Variants in ANO3 observed in about 807,000 individuals in gnomAD.
The protein encoded by ANO3 is anoctamin-3.
Under a neutral mutation model 144.8 loss-of-function variants are expected in ANO3, and 99 were observed. The observed-to-expected ratio is 0.68, with a 90% CI of 0.58 to 0.81. The LOEUF is 0.81. ANO3 is among the 30% of genes least tolerant of loss of function. ANO3 has a pLI of 0.00. For missense variants in ANO3, 905 were observed against 1,202.2 expected, an observed-to-expected ratio of 0.75 and a Z score of 3.66; for synonymous variants, 414 against 392.6, an observed-to-expected ratio of 1.05 and a Z score of -0.64.
intron 1 of ANO3, among the ~76,000 whole-genome samples, chr11:26,236,547 C>A (rs1181500041): frequency 1.3e-5 from 2 of 152,032 alleles, no homozygotes; most frequent in African/African-American, 2.4e-5. Flanking sequence ...GGCCGGGGGC[C>A]GCGGCTCATG....
intron 17 of ANO3, among the ~76,000 whole-genome samples, chr11:26,602,590 T>TTC (rs1262045496): frequency 6.9e-6 from 1 of 145,586 alleles, no homozygotes; most frequent in Non-Finnish European, 1.5e-5. Flanking sequence ...TTTCTTTTCT[T>TTC]TTTTTTTTTT....
At chr11:26,592,172 T>G (rs530753509) in intron 14 of ANO3, among the ~76,000 whole-genome samples, 1 of 152,294 alleles carries the variant, frequency 6.6e-6, no homozygotes, top group South Asian at 2.1e-4. Context: ...CAGCATCTTG[T>G]ATGGACTAAG....
chr11:26,598,745 G>T, intron 15 of ANO3, 113 bp from the exon 16 acceptor site: 3 of 1,020,018 alleles, frequency 2.9e-6, no homozygotes, highest in Non-Finnish European at 4.2e-6. Context: ...TTGCTTTATT[G>T]TGAAGACTTA....
In ANO3 at chr11:26,534,514, T is replaced by C. The variant is rs1301187468; in HGVS notation, c.928T>C (p.Tyr310His). 1 of 1,613,102 alleles carries C rather than the reference T, an allele frequency of 6.2e-7. No individual in the cohort carries two copies. Among genetic ancestry groups the C allele is most frequent in the African/African-American group, 1.3e-5 (1 of 74,916 alleles). Residue 310 changes from tyrosine (Y) to histidine (H), a missense_variant, in exon 9 of 27, where the codon TAT becomes CAT. This residue lies in a region of ANO3 where 597 missense variants were observed against 865.1 expected (regional missense o/e 0.69). Coordinates refer to ENST00000256737, the MANE Select transcript of ANO3 (RefSeq NM_031418.4). ...CAATGCTACTCGAAGCAGAATAGTC[T>C]ATCACATGCTGGAACGCACCAAATA... The part of the protein sequence containing the change: ...FSNATRSRIV[Y>H]HMLERTKYEN...
intron 4 of ANO3, among the ~76,000 whole-genome samples, chr11:26,469,551 C>G (rs1485256311): frequency 6.6e-6 from 1 of 151,630 alleles, no homozygotes; most frequent in African/African-American, 2.4e-5. Flanking sequence ...GAAAACAAAG[C>G]AAAACAAAAA....
At chr11:26,615,414 A>ATATATATATATATTTTT (rs1352935016) in intron 17 of ANO3, among the ~76,000 whole-genome samples, 42 of 130,662 alleles carry the variant, frequency 3.2e-4, no homozygotes, top group African/African-American at 1.0e-3. Flanking sequence ...ATATATATAT[A>ATATATATATATATTTTT]TTTTTTTTTT....
intron 7 of ANO3, among the ~76,000 whole-genome samples, chr11:26,530,675 A>G (rs1301417770): frequency 1.3e-5 from 2 of 151,964 alleles, no homozygotes. Context: ...CCTGGCCAAC[A>G]TGGTGAAGCC....
At chr11:26,589,515 C>T (rs1419230633) in intron 14 of ANO3, among the ~76,000 whole-genome samples, 2 of 151,680 alleles carry the variant, frequency 1.3e-5, no homozygotes, top group African/African-American at 4.9e-5. Flanking sequence ...CACAGAGCCG[C>T]ACAACCCTCA....
At chr11:26,196,307 T>C (rs558463045) in intron 1 of ANO3, among the ~76,000 whole-genome samples, 2 of 152,288 alleles carry the variant, frequency 1.3e-5, no homozygotes, top group East Asian at 3.9e-4. Context: ...AAATAAATTA[T>C]CTTTTTCTTC....
At chr11:26,190,792 G>A (rs1190941364) in intron 1 of ANO3, among the ~76,000 whole-genome samples, 1 of 152,132 alleles carries the variant, frequency 6.6e-6, no homozygotes, top group Non-Finnish European at 1.5e-5. Flanking sequence ...ACTATGAACA[G>A]CCTAGAAGAC....
intron 1 of ANO3, among the ~76,000 whole-genome samples, chr11:26,233,938 G>A (rs1281960060): frequency 2.6e-5 from 4 of 152,064 alleles, no homozygotes; most frequent in Admixed American, 1.3e-4. Context: ...GCAAGGGCCT[G>A]TCAGTAGGTA....
intron 1 of ANO3, among the ~76,000 whole-genome samples, chr11:26,342,148 A>G (rs1012999838): frequency 6.6e-6 from 1 of 152,218 alleles, no homozygotes; most frequent in African/African-American, 2.4e-5. Flanking sequence ...TCAGGGTGAC[A>G]CAACCGGGAG....
At chr11:26,247,874 T>C (rs1005228060) in intron 1 of ANO3, among the ~76,000 whole-genome samples, 1 of 151,552 alleles carries the variant, frequency 6.6e-6, no homozygotes, top group African/African-American at 2.4e-5. Context: ...AGATTACAGG[T>C]GCCTGCCACC....
intron 18 of ANO3, among the ~76,000 whole-genome samples, chr11:26,632,410 G>A (rs538537787): frequency 6.6e-6 from 1 of 151,248 alleles, no homozygotes; most frequent in Non-Finnish European, 1.5e-5. Context: ...CAGCTACTCA[G>A]GAGGCTGAGG....
At chr11:26,646,403 G>A (rs1275305166) in intron 23 of ANO3, among the ~76,000 whole-genome samples, 3 of 151,948 alleles carry the variant, frequency 2.0e-5, no homozygotes, top group Non-Finnish European at 4.4e-5. Flanking sequence ...TAGTGTATCT[G>A]TAGTATAGAT....
intron 14 of ANO3, among the ~76,000 whole-genome samples, chr11:26,590,615 G>A (rs369198519): frequency 6.6e-6 from 1 of 152,192 alleles, no homozygotes; most frequent in East Asian, 1.9e-4. Flanking sequence ...ATTAGAAGCC[G>A]TGGGTCATGG....
At chr11:26,370,068 G>A (rs1023635699) in intron 1 of ANO3, among the ~76,000 whole-genome samples, 1 of 152,106 alleles carries the variant, frequency 6.6e-6, no homozygotes, top group Non-Finnish European at 1.5e-5. Flanking sequence ...AAAACCTTAA[G>A]AATCAATTGA....
At chr11:26,382,719 C>T (rs1214359976) in intron 1 of ANO3, among the ~76,000 whole-genome samples, 1 of 152,018 alleles carries the variant, frequency 6.6e-6, no homozygotes, top group Non-Finnish European at 1.5e-5. Context: ...GTTTCTTCCT[C>T]CTTTAGGATG....
intron 15 of ANO3, among the ~76,000 whole-genome samples, 164 bp from the exon 16 acceptor site, chr11:26,598,694 G>A (rs1851708987): frequency 6.6e-6 from 1 of 152,110 alleles, no homozygotes; most frequent in Non-Finnish European, 1.5e-5. Context: ...AATACTGCTC[G>A]GGATTTATTT....
Sources: allele counts gnomAD v4.1 joint callset (sites outside exome capture counted in the v4.1 genomes callset), GRCh38; gene constraint gnomAD v4.1.1; regional missense constraint gnomAD v4.1.1; transcripts MANE v1.5; gene names NCBI Gene and HGNC (gene_info 2026-07-23, HGNC 2026-07-21).